The following ARL15 variants were observed in gnomAD, a reference collection of about 807,000 sequenced individuals.
ARL15 encodes ADP-ribosylation factor-like protein 15.
A neutral mutation model predicts 25.2 loss-of-function variants in ARL15; 19 were observed. The ratio of observed to expected loss-of-function variants is 0.75; its 90% CI spans 0.53 to 1.10. ARL15 has a LOEUF of 1.10. Among genes scored for constraint, ARL15 ranks in the 50% least tolerant of loss-of-function variants. ARL15 has a pLI of 0.00. For synonymous variants in ARL15, 94 were observed against 86.8 expected, an observed-to-expected ratio of 1.08 and a Z score of -0.46; for missense variants, 220 against 246.0, an observed-to-expected ratio of 0.89 and a Z score of 0.71.
rs557367533 is a variant in ARL15 at position 54,281,277 on chromosome 5, T to A, written c.48+29155A>T. On this transcript the variant is annotated intron_variant, in intron 1 of 4. Transcript: ENST00000504924. ...GCCTCAGCCTCCCAAGTAGCTGGGA[T>A]TACAGGCGCCCGCCACCACGCCCAG... Among the ~76,000 whole-genome samples, 336 of 152,156 alleles carry A rather than the reference T, an allele frequency of 2.2e-3. 3 individuals are homozygous for A. The highest frequency in any genetic ancestry group is 8.5e-3 in the South Asian group (41 of 4,824).
At chr5:53,938,686 T>C (rs1746433548) in intron 4 of ARL15, among the ~76,000 whole-genome samples, 1 of 151,948 alleles carries the variant, frequency 6.6e-6, no homozygotes, top group Non-Finnish European at 1.5e-5. Flanking sequence ...ATTGGCCGGG[T>C]GTGGTGCCAT....
chr5:54,081,411 G>C (rs886193305), intron 4 of ARL15, among the ~76,000 whole-genome samples: 1 of 152,126 alleles, frequency 6.6e-6, no homozygotes, highest in African/African-American at 2.4e-5. Flanking sequence ...CGCTCCATCT[G>C]AATTTATGTT....
At chr5:54,262,955 C>A (rs754842004) in intron 1 of ARL15, among the ~76,000 whole-genome samples, 4 of 152,152 alleles carry the variant, frequency 2.6e-5, no homozygotes, top group Admixed American at 2.6e-4. Flanking sequence ...GGCAGTAAAA[C>A]TTCTGGCTTA....
intron 4 of ARL15, among the ~76,000 whole-genome samples, chr5:53,982,677 T>A (rs1395404002): frequency 1.3e-5 from 2 of 152,206 alleles, no homozygotes; most frequent in Non-Finnish European, 2.9e-5. Flanking sequence ...GTAGAATGAT[T>A]TATAATCCTT....
At chr5:54,188,260 T>C (rs1321073405) in intron 1 of ARL15, among the ~76,000 whole-genome samples, 1 of 152,112 alleles carries the variant, frequency 6.6e-6, no homozygotes, top group East Asian at 1.9e-4. Flanking sequence ...TAAACTATCA[T>C]GTTAAGAAAA....
At chr5:53,948,466 T>C (rs1220080578) in intron 4 of ARL15, among the ~76,000 whole-genome samples, 2 of 152,176 alleles carry the variant, frequency 1.3e-5, no homozygotes, top group Admixed American at 6.5e-5. Flanking sequence ...TAACAGTGGT[T>C]CTCCTGGAGA....
intron 4 of ARL15, chr5:53,951,718 T>C (rs1027542501): frequency 2.1e-5 from 7 of 328,692 alleles, no homozygotes; most frequent in Non-Finnish European, 3.6e-5. Context: ...ATTAACTAGA[T>C]AAAATTATAG....
chr5:54,123,509 TTG>T (rs1418498159), intron 3 of ARL15, among the ~76,000 whole-genome samples: 1 of 152,154 alleles, frequency 6.6e-6, no homozygotes, highest in Middle Eastern at 3.2e-3. Flanking sequence ...AGCTTCCCCT[TTG>T]TGTTTTGAAA....
intron 4 of ARL15, among the ~76,000 whole-genome samples, chr5:54,018,333 T>C (rs1387896983): frequency 2.6e-5 from 4 of 152,222 alleles, no homozygotes; most frequent in Non-Finnish European, 5.9e-5. Context: ...TGCAGTAGGA[T>C]ATATGCTATT....
chr5:54,078,500 A>G (rs923928273), intron 4 of ARL15, among the ~76,000 whole-genome samples: 1 of 152,202 alleles, frequency 6.6e-6, no homozygotes, highest in South Asian at 2.1e-4. Context: ...TTCTATTTAG[A>G]CACATATGAG....
At chr5:53,946,381 C>G (rs1406736934) in intron 4 of ARL15, among the ~76,000 whole-genome samples, 1 of 130,200 alleles carries the variant, frequency 7.7e-6, no homozygotes, top group African/African-American at 2.9e-5. Context: ...ACTTGGAAGG[C>G]GGAGGTTGCA....
chr5:54,307,812 A>G (rs565267167), intron 1 of ARL15: 1 of 152,332 alleles, frequency 6.6e-6, no homozygotes, highest in East Asian at 1.9e-4. Flanking sequence ...CAGGAACAAC[A>G]CAAGAAAGTC....
At chr5:54,257,847 T>C (rs563174153) in intron 1 of ARL15, among the ~76,000 whole-genome samples, 59 of 152,278 alleles carry the variant, frequency 3.9e-4, no homozygotes, top group Non-Finnish European at 7.9e-4. Flanking sequence ...GTTTCTGCTT[T>C]CCTGTTGGTT....
intron 1 of ARL15, among the ~76,000 whole-genome samples, chr5:54,287,299 C>G (rs941642669): frequency 3.3e-5 from 5 of 151,958 alleles, no homozygotes; most frequent in African/African-American, 1.2e-4. Context: ...TTAAACATAC[C>G]TGTGCCAGAC....
At chr5:54,118,050 C>G (rs1446922833) in intron 3 of ARL15, among the ~76,000 whole-genome samples, 3 of 152,080 alleles carry the variant, frequency 2.0e-5, no homozygotes. Context: ...GTTACAAAAC[C>G]ATGCATAGAT....
Position 54,224,675 on chromosome 5 carries a change from T to C in ARL15, c.49-52747A>G, listed in dbSNP as rs114811717. On this transcript the variant is annotated intron_variant, in intron 1 of 4. Transcript: ENST00000504924. ...AAAAATGATAGTTGTCACCACCCCT[T>C]GAGAGTGGGAGTGGTGGGAAGGGAA... Among the ~76,000 whole-genome samples, 581 of 152,208 alleles carry C rather than the reference T, an allele frequency of 3.8e-3. 2 individuals are homozygous for C. Among genetic ancestry groups the C allele is most frequent in the African/African-American group, 0.014 (561 of 41,524 alleles).
At chr5:53,895,545 G>A (rs943541915) in intron 4 of ARL15, among the ~76,000 whole-genome samples, 3 of 152,026 alleles carry the variant, frequency 2.0e-5, no homozygotes, top group Admixed American at 6.6e-5. Context: ...GTGCCCTTGA[G>A]GATGGCTTTT....
chr5:53,938,096 C>T (rs1298119775), intron 4 of ARL15, among the ~76,000 whole-genome samples: 1 of 152,128 alleles, frequency 6.6e-6, no homozygotes, highest in Non-Finnish European at 1.5e-5. Flanking sequence ...AAAATCAACA[C>T]CCTCAACTGA....
At chr5:53,910,145 T>A (rs1469342469) in intron 4 of ARL15, among the ~76,000 whole-genome samples, 1 of 152,140 alleles carries the variant, frequency 6.6e-6, no homozygotes, top group Admixed American at 6.5e-5. Context: ...AGGGCTGCAA[T>A]GTTTATATGT....
Sources: allele counts gnomAD v4.1 joint callset (sites outside exome capture counted in the v4.1 genomes callset), GRCh38; gene constraint gnomAD v4.1.1; transcripts MANE v1.5; gene names NCBI Gene and HGNC (gene_info 2026-07-23, HGNC 2026-07-21).